Variants in CCDC3 observed in about 807,000 individuals in gnomAD.
CCDC3 encodes the protein coiled-coil domain containing 3.
CCDC3 carries 24 observed loss-of-function variants against 21.4 expected under a neutral mutation model. That is an observed-to-expected ratio of 1.12 (90% CI 0.81 to 1.58). The LOEUF is 1.58. Ranked by LOEUF, CCDC3 falls within the 40% of genes most tolerant of loss-of-function variation. The probability of loss-of-function intolerance (pLI) is 0.00; values close to 1 mark genes in which losing one functional copy is unlikely to be tolerated. For synonymous variants in CCDC3, 186 were observed against 166.0 expected, an observed-to-expected ratio of 1.12 and a Z score of -0.93; for missense variants, 425 against 360.9, an observed-to-expected ratio of 1.18 and a Z score of -1.44.
intron 3 of CCDC3, among the ~76,000 whole-genome samples, chr10:13,075,520 C>G (rs911924011): frequency 6.6e-6 from 1 of 151,834 alleles, no homozygotes; most frequent in Non-Finnish European, 1.5e-5. Flanking sequence ...GAACCTCTTC[C>G]CACCGCTAAA....
chr10:13,035,325 T>A (rs1329181147), intron 5 of CCDC3, among the ~76,000 whole-genome samples: 1 of 152,180 alleles, frequency 6.6e-6, no homozygotes, highest in African/African-American at 2.4e-5. Context: ...ACTGCAGTGA[T>A]GATTCTTGCA....
Position 12,898,610 on chromosome 10 carries a change from C to G in CCDC3, c.619G>C (p.Val207Leu). 1 of 1,614,248 alleles carries G rather than the reference C, an allele frequency of 6.2e-7. No homozygotes were observed. The highest frequency in any genetic ancestry group is 8.5e-7 in the Non-Finnish European group (1 of 1,180,030). ...EDHVKKLQQK[V>L]ATLEKRNRQL... ...CGGTTGCGCTTCTCCAGGGTGGCCA[C>G]TTTCTGCTGCAGTTTCTTGACGTGG... Residue 207 changes from valine (V) to leucine (L), a missense_variant, in exon 3 of 3, where the codon GTG (valine) becomes CTG (leucine). Transcript: ENST00000378825.
chr10:12,962,334 G>A (rs943032022), intron 2 of CCDC3, among the ~76,000 whole-genome samples: 5 of 152,260 alleles, frequency 3.3e-5, no homozygotes, highest in African/African-American at 4.8e-5. Context: ...GCCGGGCACA[G>A]TGGCTCACGC....
intron 2 of CCDC3, among the ~76,000 whole-genome samples, chr10:12,938,980 C>A (rs1834779762): frequency 6.6e-6 from 1 of 152,220 alleles, no homozygotes; most frequent in Non-Finnish European, 1.5e-5. Context: ...AACCCCAGAT[C>A]TAACTCTAGC....
At chr10:13,063,040 T>C (rs1489317098) in intron 4 of CCDC3, among the ~76,000 whole-genome samples, 5 of 151,940 alleles carry the variant, frequency 3.3e-5, no homozygotes, top group African/African-American at 1.2e-4. Flanking sequence ...TCAGCACTCC[T>C]GGCTCACTGG....
At chr10:13,018,442 G>A (rs1162047580) in intron 5 of CCDC3, among the ~76,000 whole-genome samples, 2 of 152,128 alleles carry the variant, frequency 1.3e-5, no homozygotes, top group Non-Finnish European at 2.9e-5. Context: ...GGTAGAACGA[G>A]ATACATGGGA....
chr10:13,081,036 G>T (rs2131447156), intron 3 of CCDC3, among the ~76,000 whole-genome samples: 1 of 152,316 alleles, frequency 6.6e-6, no homozygotes, highest in African/African-American at 2.4e-5. Flanking sequence ...TCACCATGGG[G>T]CCTCAAGCCC....
chr10:13,047,960 G>A (rs541063554), intron 5 of CCDC3, among the ~76,000 whole-genome samples: 37 of 152,310 alleles, frequency 2.4e-4, no homozygotes, highest in Middle Eastern at 6.8e-3. Flanking sequence ...TGGAGGGAAA[G>A]GAGGAAGGAT....
chr10:12,933,729 A>T (rs1469992034), intron 2 of CCDC3, among the ~76,000 whole-genome samples: 1 of 152,148 alleles, frequency 6.6e-6, no homozygotes, highest in East Asian at 1.9e-4. Flanking sequence ...AAGTCCTGGG[A>T]TTACAGGTGT....
chr10:13,055,583 C>T (rs1836671133), intron 4 of CCDC3, among the ~76,000 whole-genome samples: 1 of 152,086 alleles, frequency 6.6e-6, no homozygotes. Context: ...CCTCAGCCTC[C>T]CAAAGTGCTG....
chr10:13,074,974 C>T (rs370686589), intron 3 of CCDC3, among the ~76,000 whole-genome samples: 2 of 152,160 alleles, frequency 1.3e-5, no homozygotes, highest in Non-Finnish European at 2.9e-5. Flanking sequence ...AAAGAGGACC[C>T]GGTACATCCC....
At chr10:13,028,016 C>T (rs1392481540) in intron 5 of CCDC3, among the ~76,000 whole-genome samples, 4 of 152,084 alleles carry the variant, frequency 2.6e-5, no homozygotes, top group Non-Finnish European at 5.9e-5. Flanking sequence ...TGGCCAGGAC[C>T]CTCTGTTTAC....
chr10:13,058,392 C>G, intron 4 of CCDC3: 1 of 920,848 alleles, frequency 1.1e-6, no homozygotes, highest in Non-Finnish European at 1.8e-6. Context: ...TACGCTGCAG[C>G]GTAATTTGTC....
intron 3 of CCDC3, among the ~76,000 whole-genome samples, chr10:13,076,430 A>G (rs1836965419): frequency 6.6e-6 from 1 of 152,230 alleles, no homozygotes; most frequent in Admixed American, 6.5e-5. Context: ...GATAACCTTT[A>G]CTAAACAGAC....
At chr10:13,050,546 C>T (rs893847361) in intron 4 of CCDC3, among the ~76,000 whole-genome samples, 9 of 151,072 alleles carry the variant, frequency 6.0e-5, no homozygotes, top group Non-Finnish European at 1.0e-4. Context: ...CTGCAACCTC[C>T]GCCTCCTGGG....
intron 2 of CCDC3, among the ~76,000 whole-genome samples, chr10:12,929,029 C>G (rs2131225104): frequency 6.6e-6 from 1 of 151,852 alleles, no homozygotes; most frequent in Non-Finnish European, 1.5e-5. Flanking sequence ...TTTGGGAGGC[C>G]TAGGTGGGTG....
chr10:12,933,796 C>G (rs1030392637), intron 2 of CCDC3, among the ~76,000 whole-genome samples: 1 of 152,050 alleles, frequency 6.6e-6, no homozygotes, highest in Non-Finnish European at 1.5e-5. Context: ...TCCATGGGAT[C>G]TGTAGTGATG....
intron 5 of CCDC3, among the ~76,000 whole-genome samples, chr10:13,014,227 G>A (rs1836020934): frequency 6.6e-6 from 1 of 151,644 alleles, no homozygotes; most frequent in African/African-American, 2.4e-5. Flanking sequence ...GCTGAGGCGG[G>A]CAGATCACAA....
chr10:12,959,672 T>C (rs1312796905), intron 2 of CCDC3, among the ~76,000 whole-genome samples: 1 of 152,044 alleles, frequency 6.6e-6, no homozygotes, highest in East Asian at 1.9e-4. Context: ...TTACAAACCA[T>C]TCCCTCCAAA....
Sources: gnomAD v4.1 joint callset for allele counts (sites outside exome capture counted in the v4.1 genomes callset) on GRCh38, gnomAD v4.1.1 for gene constraint, MANE v1.5 for transcripts, NCBI Gene and HGNC (gene_info 2026-07-23, HGNC 2026-07-21) for gene names.